POMGNT1: variants seen among roughly 807,000 people sequenced by gnomAD.
POMGNT1 encodes the protein protein O-linked mannose N-acetylglucosaminyltransferase 1 (beta 1,2-).
POMGNT1 carries 67 observed loss-of-function variants against 95.6 expected under a neutral mutation model. The ratio of observed to expected loss-of-function variants is 0.70; its 90% CI spans 0.58 to 0.86. The LOEUF (loss-of-function observed/expected upper bound fraction) is 0.86, where lower values mean the gene tolerates loss of function less well. Among genes scored for constraint, POMGNT1 ranks in the 40% least tolerant of loss-of-function variants. POMGNT1 has a pLI of 0.00. For missense variants in POMGNT1, 719 were observed against 855.2 expected, an observed-to-expected ratio of 0.84 and a Z score of 1.99; for synonymous variants, 298 against 317.9, an observed-to-expected ratio of 0.94 and a Z score of 0.66.
chr1:46,207,910 C>T (rs1378720933), intron 1 of POMGNT1, among the ~76,000 whole-genome samples: 2 of 151,766 alleles, frequency 1.3e-5, no homozygotes, highest in Non-Finnish European at 1.5e-5. Context: ...TCTTGGCGTC[C>T]AGGCTGGAGT....
In POMGNT1 at chr1:46,189,130, G is replaced by T; in HGVS notation, c.*140C>A. The T allele has an allele frequency of 6.7e-7, 1 of 1,491,646 alleles. No homozygotes were observed. The highest frequency in any genetic ancestry group is 1.9e-4 in the Middle Eastern group (1 of 5,196). 92.4% of individuals were successfully genotyped at this position (1,491,646 alleles called of 1,614,324 possible). Reference sequence around the variant, plus strand: ...TTGGAGCAGGGGAACCCTCCCCTTGGAGTTAGTAATTAAGTCTCATGTTAA... The same window carrying T: ...TTGGAGCAGGGGAACCCTCCCCTTGTAGTTAGTAATTAAGTCTCATGTTAA... On this transcript the variant is annotated 3_prime_UTR_variant, in exon 22 of 22. Coordinates refer to ENST00000371984, the MANE Select transcript of POMGNT1 (RefSeq NM_017739.4).
rs1009251584 is a variant in POMGNT1 at position 46,197,589 on chromosome 1, C to A, written c.120+113G>T. ...CACATAGAGGTCTCCCCTCTAGGAACCTGCTGCCCCTTTCCCACTGGGGCT... is the reference window on the plus strand; with the variant it reads ...CACATAGAGGTCTCCCCTCTAGGAAACTGCTGCCCCTTTCCCACTGGGGCT... On this transcript the variant is annotated intron_variant, in intron 2 of 21. Transcript: ENST00000371984. 19 of 1,574,192 alleles carry A rather than the reference C, an allele frequency of 1.2e-5. No homozygotes were observed. In the African/African-American group the frequency reaches 1.5e-4, roughly 12 times the overall value.
In POMGNT1 at chr1:46,193,897, G is replaced by A. The variant is rs753453050; in HGVS notation, c.908C>T (p.Pro303Leu). 9 of 1,614,182 alleles carry A rather than the reference G, an allele frequency of 5.6e-6. No individual in the cohort carries two copies. The South Asian group carries it at 9.9e-5, about 18-fold the overall frequency. ...PLPDNKVLNVPVAVIAGNRPN... is the reference protein window; with the variant it reads ...PLPDNKVLNVLVAVIAGNRPN... The stretch of plus-strand genomic sequence containing the variant: ...TCGGTTCCCTGCAATGACAGCCACA[G>A]GCACATTGAGGACCTTGTTGTCTGG... The change falls in exon 10 of 22, where the codon CCT becomes CTT. Residue 303 changes from proline to leucine, a missense_variant. Physicochemically the swap from Pro to Leu is moderately conservative, Grantham distance 98 (BLOSUM62 -3). This residue lies in a region of POMGNT1 where 466 missense variants were observed against 517.4 expected (regional missense o/e 0.90). Transcript: ENST00000371984.
At chr1:46,190,986 G>A (rs1657720436) in intron 17 of POMGNT1, 1 of 582,234 alleles carries the variant, frequency 1.7e-6, no homozygotes, top group East Asian at 3.4e-5. Flanking sequence ...CACCATTGCT[G>A]GAGAGCTCAT....
chr1:46,190,639 G>A, intron 18 of POMGNT1, 81 bp downstream of exon 18: 1 of 1,535,360 alleles, frequency 6.5e-7, no homozygotes, highest in South Asian at 1.1e-5. Flanking sequence ...AAACACACAG[G>A]CCCAGCATTG....
chr1:46,201,556 G>A (rs956873356), upstream of POMGNT1, among the ~76,000 whole-genome samples: 14 of 150,814 alleles, frequency 9.3e-5, no homozygotes, highest in East Asian at 3.9e-4. Flanking sequence ...AAAATTAGTC[G>A]GGCATGGTGG....
intron 1 of POMGNT1, among the ~76,000 whole-genome samples, chr1:46,206,206 A>G (rs1658709602): frequency 6.6e-6 from 1 of 152,148 alleles, no homozygotes; most frequent in Non-Finnish European, 1.5e-5. Context: ...CTGCTTCTGA[A>G]ACGTTTTGTG....
At chr1:46,193,998 C>T (rs1282521081) in intron 9 of POMGNT1, 73 bp from the exon 10 acceptor site, 1 of 1,595,068 alleles carries the variant, frequency 6.3e-7, no homozygotes, top group African/African-American at 1.3e-5. Flanking sequence ...GGGAAGACTT[C>T]TCAGGTGAGG....
intron 9 of POMGNT1, 85 bp downstream of exon 9, chr1:46,194,189 G>C (rs772794690): frequency 6.2e-7 from 1 of 1,609,666 alleles, no homozygotes; most frequent in Non-Finnish European, 8.5e-7. Flanking sequence ...GCTCAGGTAG[G>C]GAAAGCCCAA....
exon 1 of POMGNT1, chr1:46,220,102 C>A: frequency 6.2e-7 from 1 of 1,614,188 alleles, no homozygotes; most frequent in Non-Finnish European, 8.5e-7. Flanking sequence ...GTGTGGAAGC[C>A]CCCAGGGGAG....
Position 46,196,218 on chromosome 1 carries a change from C to T in POMGNT1, c.355-141G>A. 6.6e-7 allele frequency: 1 copy of T among 1,516,994 alleles called. No homozygotes were observed. The highest frequency in any genetic ancestry group is 8.9e-7 in the Non-Finnish European group (1 of 1,128,198). The allele number at this position is 1,516,994 out of a possible 1,614,324, so 94.0% of individuals were successfully genotyped here. ...TTCACACAGTTCTTTTCCAACTCAG[C>T]TCGAAGGCCACCTCTTCCAGAAAGC... On this transcript the variant is annotated intron_variant, in intron 4 of 21. Coordinates refer to ENST00000371984, the MANE Select transcript of POMGNT1 (RefSeq NM_017739.4). The surrounding 1 kb of genome is among the most constrained non-coding windows in gnomAD (Gnocchi z 4.4).
chr1:46,197,938 T>C, intron 1 of POMGNT1, 67 bp from the exon 2 acceptor site: 1 of 1,496,572 alleles, frequency 6.7e-7, no homozygotes, highest in Non-Finnish European at 9.1e-7. Context: ...TCTGGGGAGA[T>C]GAGGGAGGAC....
At chr1:46,219,072 G>A (rs896271215) in intron 1 of POMGNT1, among the ~76,000 whole-genome samples, 3 of 152,010 alleles carry the variant, frequency 2.0e-5, no homozygotes, top group African/African-American at 7.2e-5. Context: ...TGAGGTGGGC[G>A]GATCACCTAA....
At chr1:46,191,136 G>A (rs575941732) in intron 17 of POMGNT1, 14 of 351,772 alleles carry the variant, frequency 4.0e-5, no homozygotes, top group Middle Eastern at 1.0e-3. Context: ...GCAAAGGGAC[G>A]GGCTGGGCTG....
In POMGNT1 at chr1:46,194,909, AG is replaced by A. The variant is rs753827372; in HGVS notation, c.586del (p.Leu196TrpfsTer45). ...KDTAKALLRS[L>X]GSQAGPALGW... ...CAGGGCAGGGCCAGCCTGGCTGCCC[AG>A]GCTCCTCAGCAGAGCCTTGGCTGTG... On this transcript the variant is annotated frameshift_variant, in exon 7 of 22. Coordinates refer to ENST00000371984, the MANE Select transcript of POMGNT1 (RefSeq NM_017739.4). LOFTEE classifies it high-confidence loss of function. 3.1e-6 allele frequency: 5 copies of A among 1,614,142 alleles called. No individual in the cohort carries two copies. The highest frequency in any genetic ancestry group is 4.2e-6 in the Non-Finnish European group (5 of 1,180,044).
chr1:46,217,736 A>C (rs1241515113), intron 1 of POMGNT1, among the ~76,000 whole-genome samples: 1 of 152,130 alleles, frequency 6.6e-6, no homozygotes, highest in African/African-American at 2.4e-5. Flanking sequence ...TGATACTTGT[A>C]ATCCCAGCTA....
At position 46,197,804 on chromosome 1, in the gene POMGNT1, G is replaced by A. The variant is rs1411103437; in HGVS notation, c.18C>T (p.Pro6=). MDDWK[P]SPLIKPFGAR... is the part of the protein sequence containing the mutation. ...CCCCAAAGGGCTTGATGAGGGGGCTGGGCTTCCAGTCGTCCATACCGGATT... is the reference window on the plus strand; with the variant it reads ...CCCCAAAGGGCTTGATGAGGGGGCTAGGCTTCCAGTCGTCCATACCGGATT... The change falls in exon 2 of 22, where the codon CCC becomes CCT. Residue 6 remains proline, a synonymous_variant. Coordinates refer to ENST00000371984, the MANE Select transcript of POMGNT1 (RefSeq NM_017739.4). 10 of 1,614,036 alleles carry A rather than the reference G, an allele frequency of 6.2e-6. No homozygotes were observed. Among genetic ancestry groups the A allele is most frequent in the East Asian group, 4.5e-5 (2 of 44,894 alleles).
intron 2 of POMGNT1, 39 bp downstream of exon 2, chr1:46,197,663 G>A: frequency 6.2e-7 from 1 of 1,613,388 alleles, no homozygotes; most frequent in South Asian, 1.1e-5. Flanking sequence ...GAAGCTGGGA[G>A]GGAGCGCTCG....
At chr1:46,202,920 G>GTGTGTGTGTGTGT (rs540959987), upstream of POMGNT1, among the ~76,000 whole-genome samples, 2 of 64,516 alleles carry the variant, frequency 3.1e-5, no homozygotes, top group African/African-American at 1.3e-4. Flanking sequence ...GGGGGGGGGT[G>GTGTGTGTGTGTGT]GTGTGTGTGT....
Sources: gnomAD v4.1 joint callset for allele counts (sites outside exome capture counted in the v4.1 genomes callset) on GRCh38, gnomAD v4.1.1 for gene constraint, gnomAD v4.1.1 regional missense constraint, Gnocchi (gnomAD v3.1) non-coding constraint, MANE v1.5 for transcripts, NCBI Gene and HGNC (gene_info 2026-07-23, HGNC 2026-07-21) for gene names.